Variants in LRRC14 observed in about 807,000 individuals in gnomAD.
The protein encoded by LRRC14 is leucine rich repeat containing 14.
In LRRC14, 16 loss-of-function variants were observed where a neutral mutation model predicts 25.3. The observed-to-expected ratio is 0.63, with a 90% CI of 0.43 to 0.96. The LOEUF (loss-of-function observed/expected upper bound fraction) is 0.96, where lower values mean the gene tolerates loss of function less well. LRRC14 is among the 40% of genes least tolerant of loss of function. The pLI is 0.00. For synonymous variants in LRRC14, 359 were observed against 295.1 expected (o/e 1.22, Z -2.22); for missense variants, 594 against 660.5 (o/e 0.90, Z 1.10).
Position 144,522,115 on chromosome 8 carries a change from A to C in LRRC14, c.*637A>C, listed in dbSNP as rs1195710993. 2 of 275,760 alleles carry C rather than the reference A, an allele frequency of 7.3e-6. No individual in the cohort carries two copies. The highest frequency in any genetic ancestry group is 6.8e-6 in the Non-Finnish European group (1 of 146,828). The allele number at this position is 275,760 out of a possible 1,614,324, so 17.1% of individuals were successfully genotyped here. A position where few individuals can be genotyped will look rare whatever the true frequency, so the allele number is the denominator to read the frequency against. On this transcript the variant is annotated 3_prime_UTR_variant, in exon 4 of 4. Transcript: ENST00000292524. ...ACATGGCCACCCGGCAACAACTGCC[A>C]TCCAGCCTGTCGCCCCGCCCTTCGC...
rs897596224 is a variant in LRRC14, at chr8:144,524,383, C to T, written c.*2905C>T. 14 of 1,594,100 alleles carry T rather than the reference C, an allele frequency of 8.8e-6. No homozygotes were observed. The African/African-American group carries it at 1.3e-4, about 15-fold the overall frequency. ...GGTTGCCTTTTCTAACTATTCCAGC[C>T]CTACAGGGCGAGGGGCCATAATGGA... On this transcript the variant is annotated 3_prime_UTR_variant, in exon 4 of 4. Coordinates refer to ENST00000292524, the MANE Select transcript of LRRC14 (RefSeq NM_014665.4).
Position 144,519,751 on chromosome 8 carries a change from C to T in LRRC14, c.26C>T (p.Thr9Ile), listed in dbSNP as rs1564817547. 1 of 1,612,664 alleles carries T rather than the reference C, an allele frequency of 6.2e-7. No individual in the cohort carries two copies. Residue 9 changes from threonine (T) to isoleucine (I), a missense_variant, in exon 2 of 4, where the codon ACA (threonine) becomes ATA (isoleucine). Thr to Ile is a moderately conservative substitution (Grantham distance 89). Transcript: ENST00000292524. MHTLVFLSTRQVLQCQPAA... is the reference protein window; with the variant it reads MHTLVFLSIRQVLQCQPAA... ...ATGCACACGCTTGTGTTCTTGAGCA[C>T]ACGGCAGGTGCTGCAGTGCCAGCCA...
rs1197199912 is a variant in LRRC14 at position 144,525,110 on chromosome 8, C to CT, written c.*3633dup. 1 of 1,002,114 alleles carries CT rather than the reference C, an allele frequency of 1.0e-6. No homozygotes were observed. The highest frequency in any genetic ancestry group is 1.3e-6 in the Non-Finnish European group (1 of 750,752). The allele number at this position is 1,002,114 out of a possible 1,614,324, so 62.1% of individuals were successfully genotyped here. On this transcript the variant is annotated 3_prime_UTR_variant, in exon 4 of 4. Coordinates refer to ENST00000292524, the MANE Select transcript of LRRC14 (RefSeq NM_014665.4). The stretch of plus-strand genomic sequence containing the variant: ...ATGGAATGGAGGCCTGCACCTGCGT[C>CT]TAACTTTTGACGCTATAAATAGGTT...
rs769182169 is a variant in LRRC14, at chr8:144,520,272, C to A, written c.364C>A (p.Leu122Ile). The change falls in exon 3 of 4, where the codon CTC (leucine) becomes ATC (isoleucine). Residue 122 changes from leucine (L) to isoleucine (I), a missense_variant. By Grantham distance (5) the Leu-to-Ile change is conservative. Coordinates refer to ENST00000292524, the MANE Select transcript of LRRC14 (RefSeq NM_014665.4). ...HALRVLDMTG[L>I]LDDGVEQDPG... ...GCTGCGGGTGCTGGACATGACGGGC[C>A]TCTTGGATGATGGTGTGGAACAGGA... The A allele has an allele frequency of 6.2e-7, 1 of 1,611,260 alleles. No homozygotes were observed. The highest frequency in any genetic ancestry group is 1.3e-5 in the African/African-American group (1 of 75,062).
At position 144,523,944 on chromosome 8, in the gene LRRC14, T is replaced by C. The variant is rs2721137; in HGVS notation, c.*2466T>C. The C allele has an allele frequency of 0.035, 27,356 of 771,176 alleles. 4,527 individuals are homozygous for C. In the African/African-American group the frequency reaches 0.39, roughly 11 times the overall value. The allele number at this position is 771,176 out of a possible 1,614,324, so 47.8% of individuals were successfully genotyped here. On this transcript the variant is annotated 3_prime_UTR_variant, in exon 4 of 4. Transcript: ENST00000292524. ...CCCAGGCAGGGTGCCTGAGCTGTAT[T>C]CCCCAGCACACCCACTCCCGCAGCC... is the stretch of plus-strand genomic sequence containing the variant.
chr8:144,523,287 G>A lies in LRRC14; in HGVS notation c.*1809G>A. The A allele has an allele frequency of 6.2e-7, 1 of 1,610,904 alleles. No individual in the cohort carries two copies. Among genetic ancestry groups the A allele is most frequent in the Non-Finnish European group, 8.5e-7 (1 of 1,179,194 alleles). ...TGGGATACGTCCAGGAGACTCTGGA[G>A]CGCCAGGCGCGGGGGCTCTGCACAC... On this transcript the variant is annotated 3_prime_UTR_variant, in exon 4 of 4. Coordinates refer to ENST00000292524, the MANE Select transcript of LRRC14 (RefSeq NM_014665.4).
chr8:144,524,762 G>A lies in LRRC14; in HGVS notation c.*3284G>A. The A allele has an allele frequency of 7.0e-7, 1 of 1,434,394 alleles. No homozygotes were observed. Among genetic ancestry groups the A allele is most frequent in the South Asian group, 1.4e-5 (1 of 69,148 alleles). 88.9% of individuals were successfully genotyped at this position (1,434,394 alleles called of 1,614,324 possible). A position where few individuals can be genotyped will look rare whatever the true frequency, so the allele number is the denominator to read the frequency against. ...AGGAGGCGCTTACCCCGTTGCGGGG[G>A]TCTTCCTCTCCCTGGGGGCACCCCG... On this transcript the variant is annotated 3_prime_UTR_variant, in exon 4 of 4. Coordinates refer to ENST00000292524, the MANE Select transcript of LRRC14 (RefSeq NM_014665.4).
In LRRC14 at chr8:144,525,054, C is replaced by T. The variant is rs868128277; in HGVS notation, c.*3576C>T. ...CCCTCCTGAAACACAGGTTGGCAGG[C>T]CAGTCTCGGCAGTCGAGAGCCAGCC... On this transcript the variant is annotated 3_prime_UTR_variant, in exon 4 of 4. Coordinates refer to ENST00000292524, the MANE Select transcript of LRRC14 (RefSeq NM_014665.4). The T allele has an allele frequency of 1.4e-5, 19 of 1,354,184 alleles. No individual in the cohort carries two copies. Among genetic ancestry groups the T allele is most frequent in the African/African-American group, 1.4e-4 (9 of 65,452 alleles). The allele number at this position is 1,354,184 out of a possible 1,614,324, so 83.9% of individuals were successfully genotyped here.
chr8:144,521,211 G>A lies in LRRC14; in HGVS notation c.1215G>A (p.Leu405=). The A allele has an allele frequency of 1.9e-6, 3 of 1,613,312 alleles. No individual in the cohort carries two copies. The highest frequency in any genetic ancestry group is 2.2e-5 in the South Asian group (2 of 91,084). ...LRYLGLYGNP[L]SMAGLKELLR... ...ACCTTGGCCTCTATGGCAACCCACT[G>A]TCCATGGCGGGCCTCAAGGAGCTGC... Residue 405 remains leucine (L), a synonymous_variant, in exon 4 of 4, where the codon CTG becomes CTA. Transcript: ENST00000292524.
Position 144,524,435 on chromosome 8 carries a change from G to C in LRRC14, c.*2957G>C, listed in dbSNP as rs200001412. On this transcript the variant is annotated 3_prime_UTR_variant, in exon 4 of 4. Transcript: ENST00000292524. ...TATCCCGCCCCTTTAGACCCCAGGC[G>C]CTCACCGGCAGGTGCAAGAAGGTGA... 5.4e-4 allele frequency: 856 copies of C among 1,597,624 alleles called. No homozygotes were observed. The highest frequency in any genetic ancestry group is 6.7e-4 in the Non-Finnish European group (794 of 1,179,730).
In LRRC14 at chr8:144,525,028, G is replaced by A. The variant is rs1333573591; in HGVS notation, c.*3550G>A. On this transcript the variant is annotated 3_prime_UTR_variant, in exon 4 of 4. Transcript: ENST00000292524. The stretch of plus-strand genomic sequence containing the variant: ...TTCCGCGGTTCAGCCGCAGACGCGT[G>A]CCCTCCTGAAACACAGGTTGGCAGG... The A allele has an allele frequency of 8.0e-6, 11 of 1,380,612 alleles. No homozygotes were observed. The South Asian group carries it at 1.5e-4, about 19-fold the overall frequency. 85.5% of individuals were successfully genotyped at this position (1,380,612 alleles called of 1,614,324 possible). A position where few individuals can be genotyped will look rare whatever the true frequency, so the allele number is the denominator to read the frequency against.
At position 144,520,274 on chromosome 8, in the gene LRRC14, C is replaced by T. The variant is rs774775277; in HGVS notation, c.366C>T (p.Leu122=). 8.1e-6 allele frequency: 13 copies of T among 1,611,252 alleles called. 1 individual carries two copies. In the African/African-American group the frequency reaches 9.3e-5, roughly 12 times the overall value. Residue 122 remains leucine (L), a synonymous_variant, in exon 3 of 4, where the codon CTC becomes CTT. Coordinates refer to ENST00000292524, the MANE Select transcript of LRRC14 (RefSeq NM_014665.4). ...HALRVLDMTG[L]LDDGVEQDPG... is the part of the protein sequence containing the mutation. ...TGCGGGTGCTGGACATGACGGGCCTCTTGGATGATGGTGTGGAACAGGATC... is the reference window on the plus strand; with the variant it reads ...TGCGGGTGCTGGACATGACGGGCCTTTTGGATGATGGTGTGGAACAGGATC...
rs746317101 is a variant in LRRC14, at chr8:144,522,707, C to T, written c.*1229C>T. On this transcript the variant is annotated 3_prime_UTR_variant, in exon 4 of 4. Coordinates refer to ENST00000292524, the MANE Select transcript of LRRC14 (RefSeq NM_014665.4). ...GAACAGCGCTCCCTCCCCCGGAGGC[C>T]CCCGCGCCTTTTTTCGCCTGCGGCG... 2 of 1,596,662 alleles carry T rather than the reference C, an allele frequency of 1.3e-6. No individual in the cohort carries two copies. Among genetic ancestry groups the T allele is most frequent in the Non-Finnish European group, 1.7e-6 (2 of 1,172,858 alleles).
Position 144,522,332 on chromosome 8 carries a change from A to C in LRRC14, c.*854A>C. On this transcript the variant is annotated 3_prime_UTR_variant, in exon 4 of 4. Coordinates refer to ENST00000292524, the MANE Select transcript of LRRC14 (RefSeq NM_014665.4). ...CCCGGCCACCTTCCATTGCTACCCC[A>C]GGATTCCCGAGTGCAACGTTCCCGG... 1 of 1,244,998 alleles carries C rather than the reference A, an allele frequency of 8.0e-7. No individual in the cohort carries two copies. Among genetic ancestry groups the C allele is most frequent in the Non-Finnish European group, 1.0e-6 (1 of 966,540 alleles). 77.1% of individuals were successfully genotyped at this position (1,244,998 alleles called of 1,614,324 possible).
Position 144,524,103 on chromosome 8 carries a change from G to C in LRRC14, c.*2625G>C. 1 of 1,593,148 alleles carries C rather than the reference G, an allele frequency of 6.3e-7. No individual in the cohort carries two copies. The highest frequency in any genetic ancestry group is 8.6e-7 in the Non-Finnish European group (1 of 1,165,282). ...CCAGACAGAGACGCTTTCCGAGGAAGAGGTACCTGTGAGGCGCAGGACTTG... is the reference window on the plus strand; with the variant it reads ...CCAGACAGAGACGCTTTCCGAGGAACAGGTACCTGTGAGGCGCAGGACTTG... On this transcript the variant is annotated 3_prime_UTR_variant, in exon 4 of 4. Coordinates refer to ENST00000292524, the MANE Select transcript of LRRC14 (RefSeq NM_014665.4).
rs1816125268 is a variant in LRRC14 at position 144,522,331 on chromosome 8, C to T, written c.*853C>T. 1.6e-6 allele frequency: 2 copies of T among 1,248,086 alleles called. No homozygotes were observed. The highest frequency in any genetic ancestry group is 2.9e-4 in the Middle Eastern group (1 of 3,456). The allele number at this position is 1,248,086 out of a possible 1,614,324, so 77.3% of individuals were successfully genotyped here. A position where few individuals can be genotyped will look rare whatever the true frequency, so the allele number is the denominator to read the frequency against. ...CCCCGGCCACCTTCCATTGCTACCC[C>T]AGGATTCCCGAGTGCAACGTTCCCG... On this transcript the variant is annotated 3_prime_UTR_variant, in exon 4 of 4. Coordinates refer to ENST00000292524, the MANE Select transcript of LRRC14 (RefSeq NM_014665.4).
rs1586855663 is a variant in LRRC14, at chr8:144,524,050, G to T, written c.*2572G>T. 1.3e-6 allele frequency: 2 copies of T among 1,560,228 alleles called. No homozygotes were observed. The highest frequency in any genetic ancestry group is 1.4e-5 in the African/African-American group (1 of 73,338). ...GATGTCAGAGCCCCTCCACACATGA[G>T]CCTGCTCCCTACTGCCAACACCGTG... On this transcript the variant is annotated 3_prime_UTR_variant, in exon 4 of 4. Transcript: ENST00000292524.
In LRRC14 at chr8:144,520,697, G is replaced by A. The variant is rs1365988986; in HGVS notation, c.789G>A (p.Arg263=). 1.2e-6 allele frequency: 2 copies of A among 1,600,214 alleles called. No homozygotes were observed. The highest frequency in any genetic ancestry group is 1.6e-4 in the Middle Eastern group (1 of 6,062). Residue 263 remains arginine (R), a synonymous_variant, in exon 3 of 4, where the codon AGG becomes AGA. Coordinates refer to ENST00000292524, the MANE Select transcript of LRRC14 (RefSeq NM_014665.4). The part of the protein sequence containing the change: ...LRLHYVHGDS[R]QPSVDGEDNF... ...TCCACTATGTGCATGGGGATTCAAG[G>A]CAGCCCTCCGTGGATGGCGAGGACA...
rs930279955 is a variant in LRRC14 at position 144,524,613 on chromosome 8, A to G, written c.*3135A>G. On this transcript the variant is annotated 3_prime_UTR_variant, in exon 4 of 4. Transcript: ENST00000292524. Reference sequence around the variant, plus strand: ...CTGCGCGCGGAAGGCGCCGGCCTCCAGGGCGCGCAGGCTGTTGTTGTGCAG... The same window carrying G: ...CTGCGCGCGGAAGGCGCCGGCCTCCGGGGCGCGCAGGCTGTTGTTGTGCAG... 1.3e-6 allele frequency: 2 copies of G among 1,523,874 alleles called. No homozygotes were observed. Among genetic ancestry groups the G allele is most frequent in the East Asian group, 2.5e-5 (1 of 40,324 alleles). 94.4% of individuals were successfully genotyped at this position (1,523,874 alleles called of 1,614,324 possible).
Sources: allele counts gnomAD v4.1 joint callset, GRCh38; gene constraint gnomAD v4.1.1; transcripts MANE v1.5; gene names NCBI Gene and HGNC (gene_info 2026-07-23, HGNC 2026-07-21).